Variants in VWA5B1 observed in about 807,000 individuals in gnomAD.
The protein encoded by VWA5B1 is von Willebrand factor A domain containing 5B1, also known as von Willebrand factor A domain-containing protein 5B1.
In VWA5B1, 115 loss-of-function variants were observed where a neutral mutation model predicts 118.2. The observed-to-expected ratio is 0.97, with a 90% CI of 0.84 to 1.14. The LOEUF is 1.14. Ranked by LOEUF, VWA5B1 falls within the 50% of genes most tolerant of loss-of-function variation. The pLI, the probability that VWA5B1 is intolerant of heterozygous loss-of-function variation, is 0.00. For synonymous variants in VWA5B1, 682 were observed against 658.4 expected (o/e 1.04, Z -0.55); for missense variants, 1,596 against 1,603.8 (o/e 1.00, Z 0.08).
chr1:20,352,016 G>C, intron 20 of VWA5B1, 39 bp from the exon 21 acceptor site: 1 of 1,515,014 alleles, frequency 6.6e-7, no homozygotes, highest in Non-Finnish European at 8.9e-7. Flanking sequence ...GGGCACTGGA[G>C]GTTGGGATGC....
chr1:20,345,645 G>A, intron 17 of VWA5B1, 52 bp downstream of exon 17: 1 of 1,490,694 alleles, frequency 6.7e-7, no homozygotes, highest in Non-Finnish European at 8.9e-7. Flanking sequence ...CAGCCCCTGT[G>A]GACTAGGGGA....
At chr1:20,323,057 C>T (rs1283354893) in intron 7 of VWA5B1, 15 of 235,436 alleles carry the variant, frequency 6.4e-5, no homozygotes, top group African/African-American at 1.1e-4. Flanking sequence ...GGACATTATT[C>T]GCCCCATTTT....
At chr1:20,323,229 C>A in intron 7 of VWA5B1, 127 bp from the exon 8 acceptor site, 1 of 899,260 alleles carries the variant, frequency 1.1e-6, no homozygotes, top group Non-Finnish European at 1.5e-6. Flanking sequence ...GCACAGTCAG[C>A]CCGGAAGTCT....
At chr1:20,292,121 CTT>C (rs2088320722) in intron 1 of VWA5B1, among the ~76,000 whole-genome samples, 3 of 151,666 alleles carry the variant, frequency 2.0e-5, no homozygotes, top group South Asian at 4.2e-4. Flanking sequence ...CTCTGTCTCT[CTT>C]TCTCTTTTCT....
intron 18 of VWA5B1, 71 bp downstream of exon 18, chr1:20,348,429 T>C (rs1168979934): frequency 5.4e-6 from 8 of 1,476,764 alleles, no homozygotes; most frequent in African/African-American, 1.4e-5. Flanking sequence ...GGTTACCGCG[T>C]CCTCCTGTCC....
In VWA5B1 at chr1:20,337,634, A is replaced by G. The variant is rs1454024886; in HGVS notation, c.1943-12A>G. ...CCCACTCTGATGGTTCCCCATCACT[A>G]TCCCTGTCCAGATCTGAACCTCTCT... is the stretch of plus-strand genomic sequence containing the variant. On this transcript the variant is annotated splice_polypyrimidine_tract_variant and intron_variant, in intron 13 of 21. Transcript: ENST00000289815. The G allele has an allele frequency of 1.3e-6, 2 of 1,546,884 alleles. No homozygotes were observed. Among genetic ancestry groups the G allele is most frequent in the East Asian group, 2.5e-5 (1 of 40,772 alleles).
intron 12 of VWA5B1, among the ~76,000 whole-genome samples, 170 bp downstream of exon 12, chr1:20,333,121 C>T (rs2089620073): frequency 2.0e-5 from 3 of 152,240 alleles, no homozygotes; most frequent in Admixed American, 2.0e-4. Context: ...AGGCCACAGG[C>T]ATTCAATCAC....
chr1:20,302,710 AG>A (rs1247051326), intron 1 of VWA5B1, among the ~76,000 whole-genome samples: 4 of 152,192 alleles, frequency 2.6e-5, no homozygotes, highest in African/African-American at 9.6e-5. Flanking sequence ...TGCTGGTGGC[AG>A]GGGGCAATCT....
intron 1 of VWA5B1, among the ~76,000 whole-genome samples, chr1:20,295,930 T>C (rs1051813025): frequency 1.4e-4 from 21 of 152,326 alleles, no homozygotes; most frequent in African/African-American, 4.6e-4. Context: ...TGGTGCGATC[T>C]CAGCTCACTG....
At chr1:20,348,206 T>C in intron 17 of VWA5B1, 39 bp from the exon 18 acceptor site, 1 of 1,536,954 alleles carries the variant, frequency 6.5e-7, no homozygotes, top group Non-Finnish European at 8.8e-7. Flanking sequence ...ACTGGCACAT[T>C]TGTACCCAAC....
rs1344708298 is a variant in VWA5B1, at chr1:20,342,362, C to CCTCCTCCTT, written c.2134-61_2134-53dup. 1.2e-5 allele frequency: 18 copies of CCTCCTCCTT among 1,478,816 alleles called. No homozygotes were observed. In the South Asian group the frequency reaches 2.0e-4, roughly 17 times the overall value. The allele number at this position is 1,478,816 out of a possible 1,614,324, so 91.6% of individuals were successfully genotyped here. A position where few individuals can be genotyped will look rare whatever the true frequency, so the allele number is the denominator to read the frequency against. ...GAGGGTCCAGCCACCAGGAGCTCTTCCTCCTCCTTCTCCTCCTCCTCCTCC... is the reference window on the plus strand; with the variant it reads ...GAGGGTCCAGCCACCAGGAGCTCTTCCTCCTCCTTCTCCTCCTTCTCCTCCTCCTCCTCC... On this transcript the variant is annotated intron_variant, in intron 14 of 21. Transcript: ENST00000289815.
At chr1:20,353,632 G>A (rs914365376) in intron 21 of VWA5B1, 125 bp from the exon 22 acceptor site, 3 of 1,267,254 alleles carry the variant, frequency 2.4e-6, no homozygotes, top group Non-Finnish European at 1.0e-6. Flanking sequence ...AATTGACCTG[G>A]GTATCCTGAA....
chr1:20,318,938 C>T (rs1241335363), intron 6 of VWA5B1, among the ~76,000 whole-genome samples: 1 of 152,166 alleles, frequency 6.6e-6, no homozygotes, highest in East Asian at 1.9e-4. Flanking sequence ...GATTCAAGCT[C>T]CAGAGGCCTA....
intron 7 of VWA5B1, among the ~76,000 whole-genome samples, chr1:20,320,310 A>T (rs12409476): frequency 6.6e-6 from 1 of 152,120 alleles, no homozygotes; most frequent in East Asian, 1.9e-4. Flanking sequence ...TCTGTGGGGC[A>T]GTTGAGCTGG....
chr1:20,290,966 A>ATT lies in VWA5B1; in HGVS notation c.-149_-148insTT, dbSNP rs1299918871. The ATT allele has an allele frequency of 0.011, 1,738 of 152,382 alleles. 14 individuals carry two copies. Among genetic ancestry groups the ATT allele is most frequent in the Non-Finnish European group, 0.017 (1,150 of 68,056 alleles). 9.4% of individuals were successfully genotyped at this position (152,382 alleles called of 1,614,324 possible). ...AGCCAGCTGCCAGGGCAGCGGGCGC[A>ATT]GGGCTTGGGCACTGGAGCCCAGCCC... On this transcript the variant is annotated 5_prime_UTR_variant, in exon 1 of 22. The change creates a premature stop within an existing upstream ORF in the 5' untranslated region. Coordinates refer to ENST00000289815, the MANE Select transcript of VWA5B1 (RefSeq NM_001039500.3).
chr1:20,330,280 T>A lies in VWA5B1; in HGVS notation c.1355T>A (p.Val452Glu), dbSNP rs1377460606. 55 of 1,551,668 alleles carry A rather than the reference T, an allele frequency of 3.5e-5. No individual in the cohort carries two copies. The highest frequency in any genetic ancestry group is 4.6e-5 in the Non-Finnish European group (53 of 1,147,038). ...CTCAAGTGGGTCATCAGGCAGCCAG[T>A]GCACCGAGGCCACCCGCGGCTCCTC... Reference protein sequence around the residue: ...SPLKWVIRQPVHRGHPRLLFV... With the variant: ...SPLKWVIRQPEHRGHPRLLFV... Residue 452 changes from valine (V) to glutamate (E), a missense_variant, in exon 10 of 22, where the codon GTG (valine) becomes GAG (glutamate). By Grantham distance (121) the Val-to-Glu change is moderately radical (BLOSUM62 -2). Coordinates refer to ENST00000289815, the MANE Select transcript of VWA5B1 (RefSeq NM_001039500.3).
At position 20,343,222 on chromosome 1, in the gene VWA5B1, G is replaced by C; in HGVS notation, c.2455G>C (p.Asp819His). ...LGKALVKGLHDSQRLQWEVSF... is the reference protein window; with the variant it reads ...LGKALVKGLHHSQRLQWEVSF... The stretch of plus-strand genomic sequence containing the variant: ...CAAGGCCCTGGTCAAAGGCCTGCAC[G>C]ACAGCCAACGCCTGCAGTGGGAGGT... Residue 819 changes from aspartate (D) to histidine (H), a missense_variant, in exon 16 of 22, where the codon GAC becomes CAC. By Grantham distance (81) the Asp-to-His change is moderately conservative (BLOSUM62 -1). Coordinates refer to ENST00000289815, the MANE Select transcript of VWA5B1 (RefSeq NM_001039500.3). The C allele has an allele frequency of 6.5e-7, 1 of 1,549,486 alleles. No individual in the cohort carries two copies. The highest frequency in any genetic ancestry group is 1.2e-5 in the South Asian group (1 of 84,048).
At chr1:20,349,849 G>A (rs1161496332) in intron 18 of VWA5B1, among the ~76,000 whole-genome samples, 2 of 151,036 alleles carry the variant, frequency 1.3e-5, no homozygotes, top group Non-Finnish European at 2.9e-5. Context: ...AACACTGTGA[G>A]ATAGATAATA....
chr1:20,314,919 T>C (rs1421568053), intron 4 of VWA5B1, among the ~76,000 whole-genome samples: 1 of 151,834 alleles, frequency 6.6e-6, no homozygotes, highest in East Asian at 1.9e-4. Flanking sequence ...ACTGAGCTGG[T>C]TGTTAGGGAT....
Sources: gnomAD v4.1 joint callset for allele counts (sites outside exome capture counted in the v4.1 genomes callset) on GRCh38, gnomAD v4.1.1 for gene constraint, MANE v1.5 for transcripts, NCBI Gene and HGNC (gene_info 2026-07-23, HGNC 2026-07-21) for gene names.